HPSE2: variants seen among roughly 807,000 people sequenced by gnomAD.
HPSE2 encodes the protein heparanase 2 (inactive), also known as inactive heparanase-2.
In HPSE2, 38 loss-of-function variants were observed where a neutral mutation model predicts 60.5. The ratio of observed to expected loss-of-function variants is 0.63; its 90% CI spans 0.48 to 0.82. HPSE2 has a LOEUF of 0.82. HPSE2 is among the 40% of genes least tolerant of loss of function. The probability of loss-of-function intolerance (pLI) is 0.00; values close to 1 mark genes in which losing one functional copy is unlikely to be tolerated. For missense variants in HPSE2, 713 were observed against 740.4 expected (o/e 0.96, Z 0.43); for synonymous variants, 295 against 293.2 (o/e 1.01, Z -0.06).
At chr10:98,580,863 T>TGTGTGTGTGTGTGTGTGA (rs758991622) in intron 9 of HPSE2, among the ~76,000 whole-genome samples, 6 of 142,648 alleles carry the variant, frequency 4.2e-5, no homozygotes, top group African/African-American at 1.6e-4. Flanking sequence ...TGTGTGTGTG[T>TGTGTGTGTGTGTGTGTGA]GATAAACATG....
rs1391377425 is a variant in HPSE2, at chr10:98,939,939, C to T, written c.611-195883G>A. On this transcript the variant is annotated intron_variant, in intron 3 of 11. Coordinates refer to ENST00000370552, the MANE Select transcript of HPSE2 (RefSeq NM_021828.5). ...CAGGATTAAGAAACTCACTCAAAAC[C>T]GCTCAACTACATGGAAACTGAACAA... 8.4e-5 allele frequency among the ~76,000 whole-genome samples: 12 copies of T among 143,344 alleles called. 2 individuals are homozygous for T. Among genetic ancestry groups the T allele is most frequent in the East Asian group, 2.0e-4 (1 of 5,084 alleles). 94.0% of individuals were successfully genotyped at this position (143,344 alleles called of 152,430 possible).
intron 3 of HPSE2, among the ~76,000 whole-genome samples, chr10:98,836,822 T>C (rs1046769918): frequency 6.6e-6 from 1 of 152,134 alleles, no homozygotes; most frequent in African/African-American, 2.4e-5. Context: ...AGGTGGATCA[T>C]GAGGTCAGGA....
intron 3 of HPSE2, among the ~76,000 whole-genome samples, chr10:99,105,479 T>G (rs1844207706): frequency 6.6e-6 from 1 of 152,058 alleles, no homozygotes; most frequent in African/African-American, 2.4e-5. Flanking sequence ...AATTGGGTTT[T>G]TTTTTATAAT....
intron 9 of HPSE2, among the ~76,000 whole-genome samples, chr10:98,611,868 T>C (rs1400646771): frequency 3.3e-5 from 5 of 152,242 alleles, no homozygotes; most frequent in African/African-American, 1.2e-4. Context: ...CCCAGATCAT[T>C]TGAGTCTTTG....
chr10:99,155,098 T>C (rs1489106716), intron 2 of HPSE2, among the ~76,000 whole-genome samples: 25 of 140,704 alleles, frequency 1.8e-4, no homozygotes, highest in African/African-American at 6.2e-4. Context: ...CCCAGATTCA[T>C]AAAGCAAGTC....
In HPSE2 at chr10:98,999,155, A is replaced by ATGTG. The variant is rs1564725716; in HGVS notation, c.610+145082_610+145083insCACA. Among the ~76,000 whole-genome samples, 7 of 115,010 alleles carry ATGTG rather than the reference A, an allele frequency of 6.1e-5. 1 individual carries two copies. Among genetic ancestry groups the ATGTG allele is most frequent in the African/African-American group, 3.0e-4 (7 of 23,344 alleles). The allele number at this position is 115,010 out of a possible 152,430, so 75.5% of individuals were successfully genotyped here. On this transcript the variant is annotated intron_variant, in intron 3 of 11. Coordinates refer to ENST00000370552, the MANE Select transcript of HPSE2 (RefSeq NM_021828.5). ...AGCACACTGCTAAGTGGTATAGACT[A>ATGTG]CGTGTGTGTGTGTGTGTGTGTGTGT...
chr10:98,856,878 T>C (rs1181499196), intron 3 of HPSE2, among the ~76,000 whole-genome samples: 1 of 152,156 alleles, frequency 6.6e-6, no homozygotes, highest in Non-Finnish European at 1.5e-5. Flanking sequence ...TATTCCCACA[T>C]GAGAATCCCT....
At chr10:98,514,512 T>C (rs2133753946) in intron 9 of HPSE2, among the ~76,000 whole-genome samples, 1 of 152,320 alleles carries the variant, frequency 6.6e-6, no homozygotes, top group Admixed American at 6.5e-5. Flanking sequence ...CTTGGCAATA[T>C]GTATCAAAAG....
At chr10:98,936,336 C>T (rs1177333489) in intron 3 of HPSE2, among the ~76,000 whole-genome samples, 1 of 143,928 alleles carries the variant, frequency 6.9e-6, no homozygotes, top group African/African-American at 2.8e-5. Context: ...ACTAGAGTTC[C>T]AAGTGCCACT....
intron 7 of HPSE2, among the ~76,000 whole-genome samples, chr10:98,631,955 G>C (rs932943334): frequency 3.3e-5 from 5 of 152,106 alleles, no homozygotes; most frequent in African/African-American, 9.7e-5. Flanking sequence ...TGACTGTGGG[G>C]TCAAATTGAT....
intron 9 of HPSE2, among the ~76,000 whole-genome samples, chr10:98,603,979 A>G (rs1321277979): frequency 6.6e-6 from 1 of 152,204 alleles, no homozygotes; most frequent in Non-Finnish European, 1.5e-5. Context: ...ACAGGCTCAC[A>G]AAAAGTCTGA....
At chr10:99,009,863 CA>C (rs1176594976) in intron 3 of HPSE2, among the ~76,000 whole-genome samples, 1 of 152,164 alleles carries the variant, frequency 6.6e-6, no homozygotes, top group Non-Finnish European at 1.5e-5. Context: ...AACATCATTT[CA>C]TAACTTCAAT....
intron 2 of HPSE2, among the ~76,000 whole-genome samples, chr10:99,152,908 C>T (rs1409535355): frequency 6.6e-6 from 1 of 152,194 alleles, no homozygotes; most frequent in African/African-American, 2.4e-5. Flanking sequence ...CGTGCGCGAG[C>T]CGAAGCAGGG....
intron 3 of HPSE2, among the ~76,000 whole-genome samples, chr10:98,974,272 C>G (rs890448102): frequency 2.0e-5 from 3 of 151,688 alleles, no homozygotes; most frequent in Admixed American, 2.0e-4. Flanking sequence ...CTGGGCGACA[C>G]AGAGTGACTC....
chr10:98,836,971 G>C (rs1268365045), intron 3 of HPSE2, among the ~76,000 whole-genome samples: 1 of 152,148 alleles, frequency 6.6e-6, no homozygotes, highest in East Asian at 1.9e-4. Context: ...CTGGGACCCG[G>C]GAGGCAGAGG....
At chr10:98,857,326 T>C (rs771021779) in intron 3 of HPSE2, among the ~76,000 whole-genome samples, 1 of 152,096 alleles carries the variant, frequency 6.6e-6, no homozygotes, top group Non-Finnish European at 1.5e-5. Context: ...CTATACGTAA[T>C]AAAAGAAATA....
chr10:99,296,613 G>A, the HPSE2 span, among the ~76,000 whole-genome samples: 1 of 152,206 alleles, frequency 6.6e-6, no homozygotes, highest in African/African-American at 2.4e-5. Context: ...TCTATCACTG[G>A]CTTGCCCTTG....
intron 2 of HPSE2, among the ~76,000 whole-genome samples, chr10:99,214,891 C>T (rs1427978789): frequency 6.6e-6 from 1 of 152,138 alleles, no homozygotes; most frequent in Non-Finnish European, 1.5e-5. Context: ...CAATGAGATA[C>T]CATCTCACAT....
chr10:99,312,157 A>G, the HPSE2 span, among the ~76,000 whole-genome samples: 1 of 152,250 alleles, frequency 6.6e-6, no homozygotes, highest in African/African-American at 2.4e-5. Context: ...TGAAGCAGTA[A>G]GTGCTGGATG....
Sources: gnomAD v4.1 joint callset for allele counts (sites outside exome capture counted in the v4.1 genomes callset) on GRCh38, gnomAD v4.1.1 for gene constraint, MANE v1.5 for transcripts, NCBI Gene and HGNC (gene_info 2026-07-23, HGNC 2026-07-21) for gene names.